Variants in WWOX observed in about 807,000 individuals in gnomAD.
The protein encoded by WWOX is WW domain-containing oxidoreductase.
Under a neutral mutation model 46.2 loss-of-function variants are expected in WWOX, and 69 were observed. The ratio of observed to expected loss-of-function variants is 1.49; its 90% CI spans 1.23 to 1.82. The LOEUF (loss-of-function observed/expected upper bound fraction) is 1.82. Among genes scored for constraint, WWOX ranks in the 40% most tolerant of loss-of-function variants. WWOX has a pLI of 0.00. For synonymous variants in WWOX, 359 were observed against 202.6 expected (o/e 1.77, Z -6.56); for missense variants, 919 against 542.6 (o/e 1.69, Z -6.89).
intron 8 of WWOX, among the ~76,000 whole-genome samples, chr16:79,000,769 G>A (rs1230470242): frequency 6.6e-6 from 1 of 152,122 alleles, no homozygotes; most frequent in Non-Finnish European, 1.5e-5. Flanking sequence ...GGAAGCTAAG[G>A]CACCCTATAA....
chr16:78,612,068 C>G (rs540755118), intron 8 of WWOX, among the ~76,000 whole-genome samples: 1 of 152,160 alleles, frequency 6.6e-6, no homozygotes, highest in Non-Finnish European at 1.5e-5. Flanking sequence ...CTGGCATATC[C>G]TTTAGGATTC....
intron 8 of WWOX, among the ~76,000 whole-genome samples, chr16:78,464,024 G>T (rs994286413): frequency 2.0e-5 from 3 of 152,124 alleles, no homozygotes; most frequent in Admixed American, 2.0e-4. Flanking sequence ...GACAGGCAAG[G>T]CAGTGGGCTG....
intron 8 of WWOX, chr16:78,897,675 T>C (rs1205513222): frequency 6.6e-6 from 1 of 152,218 alleles, no homozygotes; most frequent in African/African-American, 2.4e-5. Context: ...CTTATGTTTT[T>C]ATGTATTTTT....
chr16:78,273,441 A>G (rs1245299068), intron 5 of WWOX, among the ~76,000 whole-genome samples: 1 of 152,208 alleles, frequency 6.6e-6, no homozygotes, highest in Non-Finnish European at 1.5e-5. Context: ...CAGGCAGAGA[A>G]CAACATGTAT....
At chr16:78,937,601 C>CTTCA (rs1555572427) in intron 8 of WWOX, among the ~76,000 whole-genome samples, 43,079 of 142,428 alleles carry the variant, frequency 0.3, 7,432 homozygotes, top group Non-Finnish European at 0.36. Context: ...AGCTATAGAG[C>CTTCA]TTTATTTATT....
chr16:78,992,586 C>T (rs1297020831), intron 8 of WWOX, among the ~76,000 whole-genome samples: 4 of 152,182 alleles, frequency 2.6e-5, no homozygotes, highest in Non-Finnish European at 4.4e-5. Flanking sequence ...TTTTCTCTCT[C>T]AGAATGAAAG....
chr16:78,561,795 G>C (rs988594964), intron 8 of WWOX, among the ~76,000 whole-genome samples: 5 of 152,190 alleles, frequency 3.3e-5, no homozygotes, highest in African/African-American at 9.6e-5. Flanking sequence ...TTTGCCTGCA[G>C]AGAAGAACGC....
intron 8 of WWOX, among the ~76,000 whole-genome samples, chr16:78,854,753 G>T (rs148305710): frequency 1.2e-4 from 18 of 152,152 alleles, no homozygotes; most frequent in Admixed American, 3.3e-4. Context: ...GCTACTTTTT[G>T]TATTTTTAGT....
At chr16:78,936,717 A>C (rs1311518133) in intron 8 of WWOX, among the ~76,000 whole-genome samples, 1 of 152,138 alleles carries the variant, frequency 6.6e-6, no homozygotes, top group Admixed American at 6.5e-5. Context: ...CAGCTCAGCA[A>C]TCACAGTTTC....
At chr16:78,644,015 G>A (rs1191110614) in intron 8 of WWOX, among the ~76,000 whole-genome samples, 1 of 152,128 alleles carries the variant, frequency 6.6e-6, no homozygotes, top group South Asian at 2.1e-4. Flanking sequence ...GTGAGGTCAG[G>A]AGTTTGAGAC....
At chr16:78,180,969 A>G (rs955715151) in intron 5 of WWOX, among the ~76,000 whole-genome samples, 1 of 152,196 alleles carries the variant, frequency 6.6e-6, no homozygotes, top group Non-Finnish European at 1.5e-5. Context: ...AGGTAAGTAT[A>G]AAAACCTTCT....
chr16:78,395,770 C>G (rs2082271127), intron 6 of WWOX, among the ~76,000 whole-genome samples: 1 of 151,696 alleles, frequency 6.6e-6, no homozygotes, highest in Admixed American at 6.6e-5. Flanking sequence ...TTTTCTTTTT[C>G]TTTTTCTTTT....
At chr16:78,448,557 C>T (rs1463000419) in intron 8 of WWOX, among the ~76,000 whole-genome samples, 2 of 151,978 alleles carry the variant, frequency 1.3e-5, no homozygotes, top group African/African-American at 2.4e-5. Context: ...ACACACAAAA[C>T]CGAAAGTAGT....
intron 8 of WWOX, among the ~76,000 whole-genome samples, chr16:78,856,778 C>G (rs988338288): frequency 5.3e-5 from 8 of 152,154 alleles, no homozygotes; most frequent in African/African-American, 1.7e-4. Flanking sequence ...TATTCACGAA[C>G]ATACACATTT....
In WWOX at chr16:79,175,127, C is replaced by G. The variant is rs529048171; in HGVS notation, c.1057-36481C>G. ...TGGGATTTGGGGCAACCTACTGGGTCTAGCTATGACCCCATAAAAGTTGAA... is the reference window on the plus strand; with the variant it reads ...TGGGATTTGGGGCAACCTACTGGGTGTAGCTATGACCCCATAAAAGTTGAA... On this transcript the variant is annotated intron_variant, in intron 8 of 8. Transcript: ENST00000566780. 4.6e-5 allele frequency among the ~76,000 whole-genome samples: 7 copies of G among 152,304 alleles called. No individual in the cohort carries two copies. In the South Asian group the frequency reaches 1.4e-3, roughly 32 times the overall value.
chr16:78,347,398 C>T (rs188561308), intron 5 of WWOX, among the ~76,000 whole-genome samples: 2 of 117,988 alleles, frequency 1.7e-5, no homozygotes, highest in African/African-American at 5.8e-5. Context: ...GTGTTGGTCC[C>T]AGGTTATTCG....
intron 8 of WWOX, among the ~76,000 whole-genome samples, chr16:78,630,169 T>TGGC (rs2046394664): frequency 6.6e-6 from 1 of 152,180 alleles, no homozygotes; most frequent in Non-Finnish European, 1.5e-5. Context: ...TGAATGATGA[T>TGGC]GGCGTGATGA....
At chr16:78,231,814 G>A (rs1487086376) in intron 5 of WWOX, among the ~76,000 whole-genome samples, 1 of 152,022 alleles carries the variant, frequency 6.6e-6, no homozygotes, top group African/African-American at 2.4e-5. Flanking sequence ...TTTTTGAGGA[G>A]GCCTTCCCAT....
In WWOX at chr16:79,158,919, G is replaced by T. The variant is rs137909427; in HGVS notation, c.1057-52689G>T. Among the ~76,000 whole-genome samples, 563 of 152,212 alleles carry T rather than the reference G, an allele frequency of 3.7e-3. 2 individuals carry two copies. Among genetic ancestry groups the T allele is most frequent in the African/African-American group, 0.013 (529 of 41,528 alleles). ...CTGTAGTCCCAGTTCCTACAACAGTGCCCAGGACACACCAGGAACGTGACA... is the reference window on the plus strand; with the variant it reads ...CTGTAGTCCCAGTTCCTACAACAGTTCCCAGGACACACCAGGAACGTGACA... On this transcript the variant is annotated intron_variant, in intron 8 of 8. Coordinates refer to ENST00000566780, the MANE Select transcript of WWOX (RefSeq NM_016373.4).
Sources: gnomAD v4.1 joint callset for allele counts (sites outside exome capture counted in the v4.1 genomes callset) on GRCh38, gnomAD v4.1.1 for gene constraint, MANE v1.5 for transcripts, NCBI Gene and HGNC (gene_info 2026-07-23, HGNC 2026-07-21) for gene names.